MYO16: variants seen among roughly 807,000 people sequenced by gnomAD.
The protein encoded by MYO16 is unconventional myosin-XVI.
Under a neutral mutation model 205.3 loss-of-function variants are expected in MYO16, and 94 were observed. The observed-to-expected ratio is 0.46, with a 90% CI of 0.39 to 0.54. MYO16 has a LOEUF of 0.54. Among genes scored for constraint, MYO16 ranks in the 20% least tolerant of loss-of-function variants. The pLI, the probability that MYO16 is intolerant of heterozygous loss-of-function variation, is 0.00. For synonymous variants in MYO16, 988 were observed against 954.0 expected, an observed-to-expected ratio of 1.04 and a Z score of -0.66; for missense variants, 2,315 against 2,387.5, an observed-to-expected ratio of 0.97 and a Z score of 0.63.
intron 16 of MYO16, among the ~76,000 whole-genome samples, chr13:108,931,587 C>T (rs987738162): frequency 1.1e-4 from 17 of 152,034 alleles, no homozygotes; most frequent in African/African-American, 2.4e-4. Flanking sequence ...GTATATTATT[C>T]GTTACATTCC....
intron 16 of MYO16, 63 bp from the exon 17 acceptor site, chr13:108,957,624 CT>C: frequency 8.6e-7 from 1 of 1,162,134 alleles, no homozygotes; most frequent in Non-Finnish European, 1.3e-6. Context: ...GCAGAAGTGA[CT>C]TTTAACCACA....
At chr13:109,091,379 G>A (rs754328012) in intron 27 of MYO16, among the ~76,000 whole-genome samples, 3 of 152,118 alleles carry the variant, frequency 2.0e-5, no homozygotes, top group Non-Finnish European at 4.4e-5. Context: ...AAGCTTAATC[G>A]GTTTTCCCTT....
intron 27 of MYO16, among the ~76,000 whole-genome samples, chr13:109,097,427 C>T (rs1337505787): frequency 6.6e-6 from 1 of 152,120 alleles, no homozygotes; most frequent in African/African-American, 2.4e-5. Flanking sequence ...ACTCCCGGTT[C>T]CCAACCCTCT....
At chr13:108,678,812 C>T (rs1029556699) in intron 2 of MYO16, among the ~76,000 whole-genome samples, 2 of 152,118 alleles carry the variant, frequency 1.3e-5, no homozygotes, top group Non-Finnish European at 2.9e-5. Context: ...CTAGGGCTGA[C>T]GTAACAAAAT....
intron 11 of MYO16, among the ~76,000 whole-genome samples, chr13:108,863,015 C>T (rs1296813288): frequency 2.6e-5 from 4 of 151,968 alleles, no homozygotes; most frequent in East Asian, 1.9e-4. Context: ...TAATTGTTCA[C>T]GGGTAATATA....
chr13:108,586,132 T>C, the MYO16 span, among the ~76,000 whole-genome samples: 1 of 152,084 alleles, frequency 6.6e-6, no homozygotes, highest in African/African-American at 2.4e-5. Flanking sequence ...ATTCATGTAA[T>C]TTACACATAA....
At chr13:108,957,398 A>AAC (rs1247360870) in intron 16 of MYO16, among the ~76,000 whole-genome samples, 1 of 151,406 alleles carries the variant, frequency 6.6e-6, no homozygotes, top group Admixed American at 6.6e-5. Flanking sequence ...AAAAAAAAAA[A>AAC]AAACAAAAAC....
intron 3 of MYO16, among the ~76,000 whole-genome samples, chr13:108,727,147 T>A (rs1884367813): frequency 6.6e-6 from 1 of 151,932 alleles, no homozygotes. Flanking sequence ...TTTTAAATAA[T>A]CCTATCTACA....
intron 2 of MYO16, among the ~76,000 whole-genome samples, chr13:108,683,855 G>T (rs1484671616): frequency 6.6e-6 from 1 of 152,142 alleles, no homozygotes; most frequent in Non-Finnish European, 1.5e-5. Flanking sequence ...TGCCTCTGGC[G>T]ATTCTGAAGG....
intron 2 of MYO16, among the ~76,000 whole-genome samples, chr13:108,699,161 A>T (rs1416831209): frequency 7.8e-6 from 1 of 128,478 alleles, no homozygotes; most frequent in African/African-American, 2.8e-5. Context: ...ATGCATATGT[A>T]TACCATATAT....
chr13:109,149,291 T>C (rs901704197), intron 32 of MYO16, among the ~76,000 whole-genome samples: 1 of 152,216 alleles, frequency 6.6e-6, no homozygotes. Context: ...TATTTGTAAG[T>C]GGCTCTCTCC....
intron 32 of MYO16, among the ~76,000 whole-genome samples, chr13:109,152,468 C>G (rs1206017136): frequency 6.6e-6 from 1 of 152,134 alleles, no homozygotes; most frequent in African/African-American, 2.4e-5. Context: ...AGGGGGTCGC[C>G]ACCATTCACT....
chr13:109,098,847 C>T (rs926586099), intron 27 of MYO16, among the ~76,000 whole-genome samples: 3 of 152,092 alleles, frequency 2.0e-5, no homozygotes, highest in African/African-American at 7.2e-5. Context: ...GATCCAGAAA[C>T]GGTTCATTGT....
At chr13:108,997,442 A>T (rs1417304318) in intron 21 of MYO16, among the ~76,000 whole-genome samples, 1 of 151,378 alleles carries the variant, frequency 6.6e-6, no homozygotes, top group African/African-American at 2.4e-5. Context: ...AAAGGAAAGG[A>T]AAGGAAAGGA....
At chr13:108,886,365 T>C in intron 13 of MYO16, 1 of 454,686 alleles carries the variant, frequency 2.2e-6, no homozygotes, top group Non-Finnish European at 4.4e-6. Context: ...TCATTCAAGT[T>C]TCAAGAAGGT....
At chr13:108,661,187 C>A (rs1881484908) in intron 1 of MYO16, among the ~76,000 whole-genome samples, 1 of 152,104 alleles carries the variant, frequency 6.6e-6, no homozygotes. Context: ...CTTAGGTTAC[C>A]TGGTGCTTCT....
At chr13:108,543,595 T>C in the MYO16 span, among the ~76,000 whole-genome samples, 1 of 146,656 alleles carries the variant, frequency 6.8e-6, no homozygotes, top group Non-Finnish European at 1.5e-5. Flanking sequence ...TGAACCGAGA[T>C]TGTGCCACTG....
chr13:108,581,020 T>G, the MYO16 span, among the ~76,000 whole-genome samples: 1 of 152,244 alleles, frequency 6.6e-6, no homozygotes, highest in Non-Finnish European at 1.5e-5. Flanking sequence ...AGTTTTTTTC[T>G]TCTGTATGGA....
At chr13:109,081,478 G>A (rs912774379) in intron 27 of MYO16, among the ~76,000 whole-genome samples, 3 of 152,140 alleles carry the variant, frequency 2.0e-5, no homozygotes, top group Non-Finnish European at 2.9e-5. Context: ...GAAAGTTGGG[G>A]TGACAGACAC....
Sources: allele counts gnomAD v4.1 joint callset (sites outside exome capture counted in the v4.1 genomes callset), GRCh38; gene constraint gnomAD v4.1.1; transcripts MANE v1.5; gene names NCBI Gene and HGNC (gene_info 2026-07-23, HGNC 2026-07-21).